Variants in POT1 observed in about 807,000 individuals in gnomAD.
The protein encoded by POT1 is protection of telomeres 1.
A neutral mutation model predicts 78.5 loss-of-function variants in POT1; 47 were observed. The ratio of observed to expected loss-of-function variants is 0.60; its 90% CI spans 0.47 to 0.76. The LOEUF is 0.76. POT1 is among the 30% of genes least tolerant of loss of function. The pLI is 0.00. For missense variants in POT1, 646 were observed against 749.9 expected (o/e 0.86, Z 1.62); for synonymous variants, 259 against 260.7 (o/e 0.99, Z 0.06).
At chr7:124,924,636 A>T (rs560069746) in intron 2 of POT1, among the ~76,000 whole-genome samples, 28 of 152,158 alleles carry the variant, frequency 1.8e-4, no homozygotes, top group Non-Finnish European at 3.2e-4. Flanking sequence ...TATCACCCTG[A>T]TATCAAAACC....
chr7:124,863,985 A>G (rs1257334409), intron 7 of POT1, among the ~76,000 whole-genome samples: 2 of 152,178 alleles, frequency 1.3e-5, no homozygotes, highest in African/African-American at 4.8e-5. Flanking sequence ...AAAGGACCAT[A>G]AATGACAGTG....
At chr7:124,883,309 T>A (rs1186412771) in intron 6 of POT1, among the ~76,000 whole-genome samples, 1 of 151,768 alleles carries the variant, frequency 6.6e-6, no homozygotes, top group African/African-American at 2.4e-5. Flanking sequence ...AAAAGTAGAG[T>A]TTTACCAATT....
At chr7:124,855,050 T>C (rs1336469596) in intron 9 of POT1, among the ~76,000 whole-genome samples, 2 of 151,534 alleles carry the variant, frequency 1.3e-5, no homozygotes, top group Non-Finnish European at 3.0e-5. Flanking sequence ...CCAGAAGCTT[T>C]CATGGAATCT....
Position 124,874,716 on chromosome 7 carries a change from T to C in POT1, c.125-3675A>G, listed in dbSNP as rs62480262. 1.8e-4 allele frequency among the ~76,000 whole-genome samples: 26 copies of C among 144,868 alleles called. No individual in the cohort carries two copies. In the East Asian group the frequency reaches 3.1e-3, roughly 17 times the overall value. On this transcript the variant is annotated intron_variant, in intron 6 of 18. Transcript: ENST00000357628. ...TGCCACTGCACTCCAGTCTGGATGA[T>C]AGCGTGAGATCTGCCTCAAAAAAAA...
intron 6 of POT1, among the ~76,000 whole-genome samples, chr7:124,885,160 C>A (rs1796212968): frequency 6.6e-6 from 1 of 151,974 alleles, no homozygotes; most frequent in Non-Finnish European, 1.5e-5. Context: ...GAGTCATTAT[C>A]AAAACCAATT....
At chr7:124,891,243 C>T (rs1796364045) in intron 6 of POT1, among the ~76,000 whole-genome samples, 1 of 151,458 alleles carries the variant, frequency 6.6e-6, no homozygotes, top group Non-Finnish European at 1.5e-5. Context: ...GTGAATTAAC[C>T]CTTTTATCAT....
chr7:124,900,643 A>C (rs1451497264), intron 3 of POT1, among the ~76,000 whole-genome samples: 1 of 152,012 alleles, frequency 6.6e-6, no homozygotes, highest in African/African-American at 2.4e-5. Context: ...TCATCTCATT[A>C]GGACTTGTTG....
intron 7 of POT1, among the ~76,000 whole-genome samples, chr7:124,869,394 G>A (rs1232694905): frequency 1.3e-5 from 2 of 152,172 alleles, no homozygotes; most frequent in Admixed American, 6.5e-5. Flanking sequence ...GTTATATTGT[G>A]AATGATGAGA....
chr7:124,840,684 TAACTA>T (rs918743970), intron 14 of POT1: 2 of 214,402 alleles, frequency 9.3e-6, no homozygotes, highest in East Asian at 1.3e-4. Context: ...TATTATTACT[TAACTA>T]GACAATCAGC....
chr7:124,869,012 TTA>T (rs1309117595), intron 7 of POT1, among the ~76,000 whole-genome samples: 2 of 152,016 alleles, frequency 1.3e-5, no homozygotes, highest in Non-Finnish European at 2.9e-5. Context: ...CTTAAAAAAT[TTA>T]TAGTCATAAA....
intron 12 of POT1, among the ~76,000 whole-genome samples, chr7:124,844,604 G>A (rs1192683591): frequency 7.3e-5 from 11 of 150,438 alleles, no homozygotes; most frequent in South Asian, 4.2e-4. Flanking sequence ...GTGTGGTGGC[G>A]GGCACCTGTA....
At chr7:124,898,053 A>C (rs1796535890) in intron 4 of POT1, among the ~76,000 whole-genome samples, 1 of 152,006 alleles carries the variant, frequency 6.6e-6, no homozygotes. Context: ...GTATTTATTA[A>C]ATATAAAGGA....
chr7:124,913,589 G>C (rs868243838), intron 3 of POT1, among the ~76,000 whole-genome samples: 1 of 152,028 alleles, frequency 6.6e-6, no homozygotes, highest in African/African-American at 2.4e-5. Flanking sequence ...TATCTCTGAA[G>C]GATTTTATGG....
chr7:124,897,568 G>C (rs1266288059), intron 4 of POT1, among the ~76,000 whole-genome samples: 1 of 151,844 alleles, frequency 6.6e-6, no homozygotes. Context: ...AATCAGAGCT[G>C]ATATTCAAAA....
chr7:124,862,618 T>C (rs1395025069), intron 8 of POT1, among the ~76,000 whole-genome samples: 1 of 152,190 alleles, frequency 6.6e-6, no homozygotes, highest in Non-Finnish European at 1.5e-5. Flanking sequence ...GTGTAAATCA[T>C]AATAATGCTA....
At chr7:124,863,708 C>T (rs1795655928) in intron 7 of POT1, 68 bp from the exon 8 acceptor site, 1 of 1,199,294 alleles carries the variant, frequency 8.3e-7, no homozygotes, top group South Asian at 1.5e-5. Flanking sequence ...AACCTACGAA[C>T]CAAAGAAACT....
chr7:124,855,294 C>A, intron 9 of POT1, among the ~76,000 whole-genome samples: 1 of 146,808 alleles, frequency 6.8e-6, no homozygotes, highest in East Asian at 2.0e-4. Context: ...GTTTTATTTC[C>A]TAAAATTTAA....
rs75845056 is a variant in POT1, at chr7:124,898,383, A to C, written c.-153-9T>G. On this transcript the variant is annotated splice_polypyrimidine_tract_variant and intron_variant, in intron 3 of 18. Transcript: ENST00000357628. ...GCCACTGCAATGGTGTCCTACATAGAAAAAAAAAAGTTTTTGAATCAATCA... is the reference window on the plus strand; with the variant it reads ...GCCACTGCAATGGTGTCCTACATAGCAAAAAAAAAGTTTTTGAATCAATCA... 2.1e-5 allele frequency: 3 copies of C among 144,772 alleles called. No homozygotes were observed. Among genetic ancestry groups the C allele is most frequent in the Non-Finnish European group, 3.0e-5 (2 of 67,130 alleles). The allele number at this position is 144,772 out of a possible 1,614,324, so 9.0% of individuals were successfully genotyped here. A position where few individuals can be genotyped will look rare whatever the true frequency, so the allele number is the denominator to read the frequency against.
At chr7:124,853,601 G>T (rs2116507229) in intron 9 of POT1, 2 of 152,250 alleles carry the variant, frequency 1.3e-5, no homozygotes, top group Admixed American at 1.3e-4. Flanking sequence ...ATGCTAAGAA[G>T]AAATTTTAAA....
Sources: gnomAD v4.1 joint callset for allele counts (sites outside exome capture counted in the v4.1 genomes callset) on GRCh38, gnomAD v4.1.1 for gene constraint, MANE v1.5 for transcripts, NCBI Gene and HGNC (gene_info 2026-07-23, HGNC 2026-07-21) for gene names.